The following TAFA2 variants were observed in gnomAD, a reference collection of about 807,000 sequenced individuals.
The protein encoded by TAFA2 is TAFA chemokine like family member 2.
In TAFA2, 7 loss-of-function variants were observed where a neutral mutation model predicts 18.8. That is an observed-to-expected ratio of 0.37 (90% CI 0.21 to 0.70). The LOEUF (loss-of-function observed/expected upper bound fraction) is 0.70. TAFA2 is among the 30% of genes least tolerant of loss of function. The pLI is 0.53. For missense variants in TAFA2, 122 were observed against 158.1 expected, an observed-to-expected ratio of 0.77 and a Z score of 1.23; for synonymous variants, 60 against 54.2, an observed-to-expected ratio of 1.11 and a Z score of -0.47.
At chr12:61,985,398 A>G (rs1199566759) in intron 1 of TAFA2, among the ~76,000 whole-genome samples, 1 of 152,232 alleles carries the variant, frequency 6.6e-6, no homozygotes, top group African/African-American at 2.4e-5. Flanking sequence ...GGGGAGGAAG[A>G]CAATAAAGAC....
At chr12:62,149,900 A>C (rs2136918428) in intron 1 of TAFA2, among the ~76,000 whole-genome samples, 1 of 152,302 alleles carries the variant, frequency 6.6e-6, no homozygotes, top group South Asian at 2.1e-4. Flanking sequence ...GCTGTTGAAG[A>C]TACCATCCAT....
intron 1 of TAFA2, among the ~76,000 whole-genome samples, chr12:62,065,545 T>C (rs348654): frequency 0.42 from 63,238 of 151,928 alleles, 13,572 homozygotes; most frequent in African/African-American, 0.5. Context: ...ATATGTGTGA[T>C]AGTATCTGGG....
intron 2 of TAFA2, among the ~76,000 whole-genome samples, chr12:61,759,829 T>C (rs1182575928): frequency 1.3e-5 from 2 of 151,952 alleles, no homozygotes; most frequent in African/African-American, 4.8e-5. Context: ...TGAGAAACTA[T>C]TCTATAATGG....
chr12:61,819,819 AT>A (rs1872246358), intron 2 of TAFA2, among the ~76,000 whole-genome samples: 1 of 152,068 alleles, frequency 6.6e-6, no homozygotes. Context: ...CCTGGAAGGC[AT>A]TTTTCAGTGC....
Position 62,061,533 on chromosome 12 carries a change from G to C in TAFA2, c.-2+129726C>G, listed in dbSNP as rs1882349077. 2.0e-5 allele frequency among the ~76,000 whole-genome samples: 3 copies of C among 152,186 alleles called. No homozygotes were observed. In the South Asian group the frequency reaches 6.2e-4, roughly 32 times the overall value. ...TCAGAACATATCTCCATCGTTAAGAGATATAAGACTGTATATGCTACCATC... is the reference window on the plus strand; with the variant it reads ...TCAGAACATATCTCCATCGTTAAGACATATAAGACTGTATATGCTACCATC... On this transcript the variant is annotated intron_variant, in intron 1 of 4. Coordinates refer to ENST00000416284, the MANE Select transcript of TAFA2 (RefSeq NM_178539.5).
chr12:61,907,857 T>C (rs560286688), intron 1 of TAFA2, among the ~76,000 whole-genome samples: 2 of 152,272 alleles, frequency 1.3e-5, no homozygotes, highest in East Asian at 1.9e-4. Context: ...TCAAAGGAGA[T>C]CATTTTGGAA....
At chr12:62,059,443 A>G (rs1882286766) in intron 1 of TAFA2, among the ~76,000 whole-genome samples, 1 of 152,180 alleles carries the variant, frequency 6.6e-6, no homozygotes, top group South Asian at 2.1e-4. Context: ...TTGGGGAGAC[A>G]AGCAACAACT....
intron 2 of TAFA2, among the ~76,000 whole-genome samples, chr12:61,790,789 C>T (rs902280659): frequency 4.6e-5 from 7 of 151,590 alleles, no homozygotes; most frequent in African/African-American, 1.7e-4. Flanking sequence ...CTCATACTAC[C>T]CAAAGCAATC....
upstream of TAFA2, among the ~76,000 whole-genome samples, chr12:62,195,974 C>A (rs1432881499): frequency 3.9e-5 from 6 of 152,188 alleles, no homozygotes; most frequent in African/African-American, 9.7e-5. Flanking sequence ...CATTGAAAAT[C>A]TGTTGTTTAG....
intron 1 of TAFA2, among the ~76,000 whole-genome samples, chr12:62,057,108 C>A (rs1190178437): frequency 6.6e-6 from 1 of 152,136 alleles, no homozygotes; most frequent in Non-Finnish European, 1.5e-5. Context: ...CCATCTGAGG[C>A]TAGTGTTTAA....
At chr12:61,976,886 T>A (rs939427329) in intron 1 of TAFA2, among the ~76,000 whole-genome samples, 1 of 151,960 alleles carries the variant, frequency 6.6e-6, no homozygotes, top group Non-Finnish European at 1.5e-5. Flanking sequence ...GTATTCCATG[T>A]TGTATATGTG....
intron 1 of TAFA2, among the ~76,000 whole-genome samples, chr12:61,881,946 T>C (rs1282938778): frequency 6.6e-6 from 1 of 151,704 alleles, no homozygotes; most frequent in Non-Finnish European, 1.5e-5. Flanking sequence ...AGGGAACATA[T>C]GAATACAAAA....
intron 1 of TAFA2, among the ~76,000 whole-genome samples, chr12:62,064,683 A>C (rs915273730): frequency 7.9e-5 from 12 of 152,088 alleles, no homozygotes; most frequent in African/African-American, 2.7e-4. Flanking sequence ...TTTTCTTCAT[A>C]TGTAATTTTT....
intron 2 of TAFA2, among the ~76,000 whole-genome samples, chr12:61,801,195 C>T (rs1211433795): frequency 6.6e-6 from 1 of 152,036 alleles, no homozygotes; most frequent in Non-Finnish European, 1.5e-5. Context: ...CAGTACTACC[C>T]ATAGCAATCT....
intron 1 of TAFA2, among the ~76,000 whole-genome samples, chr12:62,023,085 G>A (rs150194369): frequency 6.6e-6 from 1 of 152,230 alleles, no homozygotes; most frequent in Non-Finnish European, 1.5e-5. Context: ...GAGAATCAAT[G>A]AGCATTAGTG....
chr12:61,725,468 G>A (rs189599776), intron 4 of TAFA2, among the ~76,000 whole-genome samples: 168 of 151,920 alleles, frequency 1.1e-3, no homozygotes, highest in African/African-American at 3.8e-3. Context: ...TTATAAGGTG[G>A]GAGATGAGGA....
At chr12:61,816,026 ATT>A (rs1480193796) in intron 2 of TAFA2, among the ~76,000 whole-genome samples, 1 of 151,310 alleles carries the variant, frequency 6.6e-6, no homozygotes, top group Non-Finnish European at 1.5e-5. Flanking sequence ...TATTAATTTT[ATT>A]TTTAAACTTT....
intron 4 of TAFA2, among the ~76,000 whole-genome samples, chr12:61,741,805 A>G (rs1190042718): frequency 2.6e-5 from 4 of 152,138 alleles, no homozygotes; most frequent in Admixed American, 2.0e-4. Flanking sequence ...GCACATACCC[A>G]CATAGAGTAC....
intron 1 of TAFA2, among the ~76,000 whole-genome samples, chr12:62,013,877 A>G (rs1038887716): frequency 3.9e-5 from 6 of 152,222 alleles, no homozygotes; most frequent in Non-Finnish European, 8.8e-5. Context: ...TTTTACAACA[A>G]TTGGTATAAT....
Sources: gnomAD v4.1 joint callset for allele counts (sites outside exome capture counted in the v4.1 genomes callset) on GRCh38, gnomAD v4.1.1 for gene constraint, MANE v1.5 for transcripts, NCBI Gene and HGNC (gene_info 2026-07-23, HGNC 2026-07-21) for gene names.